Variants in KIAA0319 observed in about 807,000 individuals in gnomAD.
KIAA0319 encodes KIAA0319.
A neutral mutation model predicts 108.4 loss-of-function variants in KIAA0319; 83 were observed. That is an observed-to-expected ratio of 0.77 (90% CI 0.64 to 0.92). The LOEUF is 0.92. Ranked by LOEUF, KIAA0319 falls within the 40% of genes least tolerant of loss-of-function variation. The pLI, the probability that KIAA0319 is intolerant of heterozygous loss-of-function variation, is 0.00. For missense variants in KIAA0319, 1,195 were observed against 1,322.4 expected (o/e 0.90, Z 1.49); for synonymous variants, 484 against 510.4 (o/e 0.95, Z 0.70).
chr6:24,604,290 G>A (rs1402698107), intron 1 of KIAA0319, among the ~76,000 whole-genome samples: 1 of 152,144 alleles, frequency 6.6e-6, no homozygotes, highest in Non-Finnish European at 1.5e-5. Flanking sequence ...TGCAGCCATT[G>A]ACTACCCCCT....
chr6:24,587,106 G>A (rs186529918), intron 4 of KIAA0319, among the ~76,000 whole-genome samples: 37 of 152,026 alleles, frequency 2.4e-4, no homozygotes, highest in African/African-American at 8.4e-4. Context: ...ATGTCTTAGC[G>A]TCCTCTTCCT....
intron 3 of KIAA0319, among the ~76,000 whole-genome samples, chr6:24,594,839 A>G (rs760072232): frequency 6.6e-6 from 1 of 151,968 alleles, no homozygotes; most frequent in Non-Finnish European, 1.5e-5. Context: ...ATTTCCACCT[A>G]TACTCAGCTT....
At chr6:24,577,415 G>A (rs73727991) in intron 9 of KIAA0319, among the ~76,000 whole-genome samples, 3,101 of 152,242 alleles carry the variant, frequency 0.02, 93 homozygotes, top group African/African-American at 0.068. Flanking sequence ...TTTCAAATGC[G>A]AACCAATGCT....
At position 24,646,063 on chromosome 6, in the gene KIAA0319, C is replaced by A. The variant is rs1050815435; in HGVS notation, c.-433G>T. 1.3e-5 allele frequency: 2 copies of A among 152,796 alleles called. No individual in the cohort carries two copies. Among genetic ancestry groups the A allele is most frequent in the African/African-American group, 2.4e-5 (1 of 41,466 alleles). 9.5% of individuals were successfully genotyped at this position (152,796 alleles called of 1,614,324 possible). A position where few individuals can be genotyped will look rare whatever the true frequency, so the allele number is the denominator to read the frequency against. ...CGGCAGTGACAGCGAGCGCCGCCGC[C>A]GCTCTGCGCGGGGCCAGCCAGGCCC... is the stretch of plus-strand genomic sequence containing the variant. On this transcript the variant is annotated 5_prime_UTR_variant, in exon 1 of 21. Coordinates refer to ENST00000378214, the MANE Select transcript of KIAA0319 (RefSeq NM_014809.4).
intron 1 of KIAA0319, among the ~76,000 whole-genome samples, chr6:24,644,029 A>G (rs1021298880): frequency 6.6e-6 from 1 of 152,386 alleles, no homozygotes; most frequent in Non-Finnish European, 1.5e-5. Flanking sequence ...CCTCAATAAC[A>G]TAGTTTCATT....
chr6:24,547,437 G>A, intron 20 of KIAA0319, 94 bp from the exon 21 acceptor site: 1 of 1,064,082 alleles, frequency 9.4e-7, no homozygotes, highest in Non-Finnish European at 1.4e-6. Flanking sequence ...TGGGCACGGA[G>A]TGGTGCTCTC....
At chr6:24,553,327 A>ATG (rs2127419689) in intron 19 of KIAA0319, among the ~76,000 whole-genome samples, 2 of 112,648 alleles carry the variant, frequency 1.8e-5, no homozygotes, top group African/African-American at 8.0e-5. Flanking sequence ...ACACACACAC[A>ATG]CACACACACG....
chr6:24,563,004 C>G (rs1025013860), intron 16 of KIAA0319, among the ~76,000 whole-genome samples: 44 of 152,142 alleles, frequency 2.9e-4, no homozygotes, highest in African/African-American at 1.0e-3. Context: ...CCTCAGTCCC[C>G]ATGAACGTGG....
At chr6:24,613,477 T>G (rs1048838210) in intron 1 of KIAA0319, among the ~76,000 whole-genome samples, 4 of 152,028 alleles carry the variant, frequency 2.6e-5, no homozygotes, top group Admixed American at 2.6e-4. Flanking sequence ...GCTCATGTAT[T>G]TCTCTCCCCA....
chr6:24,554,886 C>T (rs1258950065), intron 18 of KIAA0319, among the ~76,000 whole-genome samples: 1 of 152,154 alleles, frequency 6.6e-6, no homozygotes, highest in Non-Finnish European at 1.5e-5. Flanking sequence ...AACTTGGGAA[C>T]AGAATAATCT....
At chr6:24,624,017 CT>C (rs536970883) in intron 1 of KIAA0319, among the ~76,000 whole-genome samples, 201 of 50,534 alleles carry the variant, frequency 4.0e-3, no homozygotes, top group Middle Eastern at 0.011. Flanking sequence ...TCTTTGTTTT[CT>C]TTTTTTTTTT....
chr6:24,570,745 G>A (rs1764614753), intron 11 of KIAA0319, among the ~76,000 whole-genome samples: 1 of 151,812 alleles, frequency 6.6e-6, no homozygotes, highest in South Asian at 2.1e-4. Flanking sequence ...AGAGAGGGAG[G>A]GAGGGGACGT....
intron 1 of KIAA0319, among the ~76,000 whole-genome samples, chr6:24,614,531 G>A (rs532759925): frequency 3.0e-4 from 46 of 151,854 alleles, no homozygotes; most frequent in African/African-American, 1.0e-3. Context: ...GGCATTTTAC[G>A]TCCATTAGTT....
intron 3 of KIAA0319, among the ~76,000 whole-genome samples, chr6:24,591,981 C>A (rs912356060): frequency 2.0e-5 from 3 of 151,986 alleles, no homozygotes; most frequent in Non-Finnish European, 4.4e-5. Flanking sequence ...ATATTTATTC[C>A]ATCAAGAAAG....
chr6:24,586,061 C>T (rs1463121302), intron 4 of KIAA0319, among the ~76,000 whole-genome samples: 1 of 152,146 alleles, frequency 6.6e-6, no homozygotes, highest in African/African-American at 2.4e-5. Context: ...TGCACTCCAG[C>T]CTGGCCACGA....
At chr6:24,585,235 G>A (rs956267127) in intron 4 of KIAA0319, among the ~76,000 whole-genome samples, 9 of 151,792 alleles carry the variant, frequency 5.9e-5, no homozygotes, top group East Asian at 5.8e-4. Context: ...AATAAATCTC[G>A]GGACCCCCAA....
Position 24,563,374 on chromosome 6 carries a change from G to A in KIAA0319, c.2576C>T (p.Ala859Val), listed in dbSNP as rs1489141487. The A allele has an allele frequency of 6.2e-7, 1 of 1,613,134 alleles. No homozygotes were observed. Among genetic ancestry groups the A allele is most frequent in the East Asian group, 2.2e-5 (1 of 44,858 alleles). The change falls in exon 16 of 21, where the codon GCC becomes GTC. Residue 859 changes from alanine to valine, a missense_variant. Ala to Val is a moderately conservative substitution (Grantham distance 64, BLOSUM62 0). Coordinates refer to ENST00000378214, the MANE Select transcript of KIAA0319 (RefSeq NM_014809.4). ...DSDIKVQKIR[A>V]HSDLSTVIVF... ...CAGCTCCTACCTGAGATCCGAGTGG[G>A]CCCGAATCTTCTGGACCTTAATGTC... is the stretch of plus-strand genomic sequence containing the variant.
At chr6:24,560,606 G>T (rs1211102242) in intron 16 of KIAA0319, among the ~76,000 whole-genome samples, 1 of 152,202 alleles carries the variant, frequency 6.6e-6, no homozygotes, top group Non-Finnish European at 1.5e-5. Flanking sequence ...AGTTCTGGAG[G>T]CCAGAAGTCC....
chr6:24,555,414 T>C (rs1762135200), intron 18 of KIAA0319, among the ~76,000 whole-genome samples: 1 of 149,914 alleles, frequency 6.7e-6, no homozygotes, highest in Non-Finnish European at 1.5e-5. Context: ...GGAGAATTGC[T>C]TGAACCCAGG....
Sources: allele counts gnomAD v4.1 joint callset (sites outside exome capture counted in the v4.1 genomes callset), GRCh38; gene constraint gnomAD v4.1.1; transcripts MANE v1.5; gene names NCBI Gene and HGNC (gene_info 2026-07-23, HGNC 2026-07-21).